Variants in DNAH11 observed in about 807,000 individuals in gnomAD.
The protein encoded by DNAH11 is axonemal beta dynein heavy chain 11.
Under a neutral mutation model 526.0 loss-of-function variants are expected in DNAH11, and 442 were observed. The ratio of observed to expected loss-of-function variants is 0.84; its 90% CI spans 0.78 to 0.91. The LOEUF is 0.91. DNAH11 is among the 40% of genes least tolerant of loss of function. The pLI, the probability that DNAH11 is intolerant of heterozygous loss-of-function variation, is 0.00. For synonymous variants in DNAH11, 2,461 were observed against 1,935.9 expected (o/e 1.27, Z -7.12); for missense variants, 6,989 against 5,448.7 (o/e 1.28, Z -8.90).
chr7:21,568,898 CTT>C (rs1368874903), intron 6 of DNAH11, among the ~76,000 whole-genome samples: 4 of 152,134 alleles, frequency 2.6e-5, no homozygotes, highest in African/African-American at 7.2e-5. Context: ...AGTGTCAACT[CTT>C]TTAAAATTCA....
chr7:21,655,178 G>A (rs1045354019), intron 28 of DNAH11, among the ~76,000 whole-genome samples: 4 of 151,952 alleles, frequency 2.6e-5, no homozygotes, highest in Non-Finnish European at 5.9e-5. Flanking sequence ...GACACCAGAA[G>A]AACTTGATCT....
intron 2 of DNAH11, among the ~76,000 whole-genome samples, chr7:21,546,730 AAAC>A (rs1782818504): frequency 6.6e-6 from 1 of 152,234 alleles, no homozygotes; most frequent in Non-Finnish European, 1.5e-5. Flanking sequence ...ATTTCAAAAG[AAAC>A]AATAATTGTG....
At chr7:21,880,968 A>G in intron 75 of DNAH11, 75 bp downstream of exon 75, 8 of 1,331,046 alleles carry the variant, frequency 6.0e-6, no homozygotes, top group Non-Finnish European at 8.1e-6. Context: ...ATCAAAATTG[A>G]CCATAATTTC....
At chr7:21,608,893 T>C (rs1160274144) in intron 20 of DNAH11, among the ~76,000 whole-genome samples, 2 of 152,200 alleles carry the variant, frequency 1.3e-5, no homozygotes, top group African/African-American at 2.4e-5. Context: ...TGGGTGAACT[T>C]TTTCTTGAAG....
rs1293819249 is a variant in DNAH11 at position 21,744,997 on chromosome 7, T to C, written c.8444T>C (p.Leu2815Ser). 3 of 1,610,362 alleles carry C rather than the reference T, an allele frequency of 1.9e-6. No individual in the cohort carries two copies. The highest frequency in any genetic ancestry group is 2.5e-6 in the Non-Finnish European group (3 of 1,178,278). The change falls in exon 51 of 82, where the codon TTA becomes TCA. Residue 2815 changes from leucine (L) to serine (S), a missense_variant. Coordinates refer to ENST00000409508, the MANE Select transcript of DNAH11 (RefSeq NM_001277115.2). Reference sequence around the variant, plus strand: ...CTGAAGACGATTCTTACAGAAACGTTAGACAACTACAATGAACTAAATGCT... The same window carrying C: ...CTGAAGACGATTCTTACAGAAACGTCAGACAACTACAATGAACTAAATGCT... ...EVLKTILTET[L>S]DNYNELNAAM...
At chr7:21,779,988 A>G (rs953584639) in intron 57 of DNAH11, among the ~76,000 whole-genome samples, 56 of 151,528 alleles carry the variant, frequency 3.7e-4, no homozygotes, top group African/African-American at 1.3e-3. Context: ...GAGTTTTTCC[A>G]GTGGTGTTGC....
chr7:21,810,164 T>G (rs192521404), intron 63 of DNAH11, among the ~76,000 whole-genome samples: 113 of 152,338 alleles, frequency 7.4e-4, no homozygotes, highest in Middle Eastern at 3.4e-3. Flanking sequence ...AATTTGAAAA[T>G]TCAAACCCAT....
intron 45 of DNAH11, among the ~76,000 whole-genome samples, chr7:21,735,165 G>A (rs1440964793): frequency 5.3e-5 from 8 of 152,158 alleles, no homozygotes; most frequent in African/African-American, 1.4e-4. Flanking sequence ...GCAAGACACC[G>A]TCTCAGAACA....
intron 25 of DNAH11, among the ~76,000 whole-genome samples, chr7:21,629,928 A>G (rs1412733596): frequency 1.3e-5 from 2 of 152,074 alleles, no homozygotes; most frequent in African/African-American, 2.4e-5. Context: ...GAGTGTTGTT[A>G]TTAAGGACTT....
chr7:21,791,951 A>G (rs1788496572), intron 61 of DNAH11, among the ~76,000 whole-genome samples: 1 of 152,222 alleles, frequency 6.6e-6, no homozygotes, highest in African/African-American at 2.4e-5. Flanking sequence ...TGCAGGCTGT[A>G]CAGGAAGCAT....
intron 8 of DNAH11, among the ~76,000 whole-genome samples, chr7:21,578,763 G>C (rs1221382000): frequency 6.7e-6 from 1 of 149,374 alleles, no homozygotes; most frequent in Admixed American, 6.6e-5. Flanking sequence ...TCAACTCTTG[G>C]CTTCTGTGTA....
intron 43 of DNAH11, among the ~76,000 whole-genome samples, chr7:21,719,623 A>T (rs1784800281): frequency 6.6e-6 from 1 of 152,242 alleles, no homozygotes; most frequent in African/African-American, 2.4e-5. Flanking sequence ...TTTTCTATTA[A>T]AAGATTATTT....
chr7:21,719,528 G>A (rs1784795143), intron 43 of DNAH11, among the ~76,000 whole-genome samples: 1 of 152,136 alleles, frequency 6.6e-6, no homozygotes, highest in Non-Finnish European at 1.5e-5. Context: ...TTTCAACAGT[G>A]CCTTAGAACA....
rs1162751840 is a variant in DNAH11 at position 21,588,113 on chromosome 7, T to G, written c.1760T>G (p.Ile587Ser). The G allele has an allele frequency of 1.2e-6, 2 of 1,613,430 alleles. No homozygotes were observed. Among genetic ancestry groups the G allele is most frequent in the Non-Finnish European group, 1.7e-6 (2 of 1,179,674 alleles). The change falls in exon 10 of 82, where the codon ATT becomes AGT. Residue 587 changes from isoleucine to serine, a missense_variant. Ile to Ser is a moderately radical substitution (Grantham distance 142). Transcript: ENST00000409508. ...NFLEKPVVME[I>S]FSLHYSTLVH... is the part of the protein sequence containing the mutation. ...CTAGAGAAGCCAGTTGTCATGGAAA[T>G]TTTCAGCCTACATTACAGCACACTA...
At chr7:21,848,973 C>G (rs568952770) in intron 66 of DNAH11, among the ~76,000 whole-genome samples, 1 of 152,182 alleles carries the variant, frequency 6.6e-6, no homozygotes, top group Non-Finnish European at 1.5e-5. Flanking sequence ...GCAACCTCTG[C>G]CTCCTTGGTT....
chr7:21,633,122 A>G (rs1786694109), intron 25 of DNAH11, among the ~76,000 whole-genome samples: 1 of 152,202 alleles, frequency 6.6e-6, no homozygotes, highest in Admixed American at 6.5e-5. Context: ...CTGTATGGGA[A>G]AGACCTGCCC....
intron 56 of DNAH11, among the ~76,000 whole-genome samples, chr7:21,778,142 G>A (rs962467548): frequency 6.6e-6 from 1 of 152,052 alleles, no homozygotes; most frequent in South Asian, 2.1e-4. Context: ...TCAAACTGAG[G>A]AACCTAGTAA....
intron 67 of DNAH11, 35 bp from the exon 68 acceptor site, chr7:21,854,280 A>G: frequency 6.2e-7 from 1 of 1,607,886 alleles, no homozygotes; most frequent in Non-Finnish European, 8.5e-7. Context: ...TATGAAGAGT[A>G]AATAAGTTAC....
In DNAH11 at chr7:21,818,341, T is replaced by C. The variant is rs886039341; in HGVS notation, c.10691+2T>C. 16 of 1,606,132 alleles carry C rather than the reference T, an allele frequency of 1.0e-5. No individual in the cohort carries two copies. The highest frequency in any genetic ancestry group is 2.5e-6 in the Non-Finnish European group (3 of 1,177,386). On this transcript the variant is annotated splice_donor_variant, in intron 65 of 81. Coordinates refer to ENST00000409508, the MANE Select transcript of DNAH11 (RefSeq NM_001277115.2). LOFTEE classifies it high-confidence loss of function. ...CAGGAACACAATTAAAAAAGGAAAGTAAGTATTCTTGAATTTTTAACATAT... is the reference window on the plus strand; with the variant it reads ...CAGGAACACAATTAAAAAAGGAAAGCAAGTATTCTTGAATTTTTAACATAT...
Sources: gnomAD v4.1 joint callset for allele counts (sites outside exome capture counted in the v4.1 genomes callset) on GRCh38, gnomAD v4.1.1 for gene constraint, MANE v1.5 for transcripts, NCBI Gene and HGNC (gene_info 2026-07-23, HGNC 2026-07-21) for gene names.